Variants in SDK1 observed in about 807,000 individuals in gnomAD.
SDK1 encodes the protein sidekick cell adhesion molecule 1.
Under a neutral mutation model 245.5 loss-of-function variants are expected in SDK1, and 157 were observed. That is an observed-to-expected ratio of 0.64 (90% CI 0.56 to 0.73). SDK1 has a LOEUF of 0.73. Among genes scored for constraint, SDK1 ranks in the 30% least tolerant of loss-of-function variants. The pLI, the probability that SDK1 is intolerant of heterozygous loss-of-function variation, is 0.00. For missense variants in SDK1, 3,583 were observed against 3,002.3 expected (o/e 1.19, Z -4.52); for synonymous variants, 1,647 against 1,278.5 (o/e 1.29, Z -6.15).
chr7:3,653,509 C>T (rs1258993589), intron 4 of SDK1, among the ~76,000 whole-genome samples: 1 of 152,038 alleles, frequency 6.6e-6, no homozygotes, highest in African/African-American at 2.4e-5. Context: ...TAGATGGTAA[C>T]ATGGATGTAA....
chr7:3,866,078 T>C (rs1780814517), intron 5 of SDK1, among the ~76,000 whole-genome samples: 1 of 152,194 alleles, frequency 6.6e-6, no homozygotes, highest in Non-Finnish European at 1.5e-5. Flanking sequence ...ACATTATGAA[T>C]ATATTTTGTT....
intron 1 of SDK1, among the ~76,000 whole-genome samples, chr7:3,484,561 G>C (rs1243324536): frequency 6.6e-6 from 1 of 152,166 alleles, no homozygotes; most frequent in Non-Finnish European, 1.5e-5. Flanking sequence ...CTGTACAATA[G>C]TTAACTATGG....
intron 4 of SDK1, among the ~76,000 whole-genome samples, chr7:3,796,899 T>C (rs1264367030): frequency 6.6e-6 from 1 of 152,192 alleles, no homozygotes; most frequent in Non-Finnish European, 1.5e-5. Context: ...GAAAGTAAGT[T>C]CAAATGTAGC....
At chr7:3,686,158 C>G (rs1190688069) in intron 4 of SDK1, among the ~76,000 whole-genome samples, 1 of 152,234 alleles carries the variant, frequency 6.6e-6, no homozygotes, top group Admixed American at 6.5e-5. Context: ...CCACTGCAAC[C>G]TCTACCTCCT....
intron 1 of SDK1, among the ~76,000 whole-genome samples, chr7:3,545,056 A>G (rs1562553097): frequency 1.3e-5 from 2 of 152,140 alleles, no homozygotes; most frequent in Non-Finnish European, 2.9e-5. Context: ...TGCTCCTACC[A>G]GGACTGGGAG....
At chr7:3,563,266 T>C (rs1195299590) in intron 1 of SDK1, among the ~76,000 whole-genome samples, 1 of 152,152 alleles carries the variant, frequency 6.6e-6, no homozygotes, top group Non-Finnish European at 1.5e-5. Flanking sequence ...CTGGAAAAGT[T>C]CAAGTTTTAG....
intron 1 of SDK1, among the ~76,000 whole-genome samples, chr7:3,311,448 G>A (rs531442793): frequency 6.6e-6 from 1 of 152,252 alleles, no homozygotes; most frequent in South Asian, 2.1e-4. Flanking sequence ...GGAGAAAAGA[G>A]TCAACCGGTA....
rs564147832 is a variant in SDK1 at position 4,077,712 on chromosome 7, G to A, written c.3202+523G>A. Among the ~76,000 whole-genome samples, 315 of 152,228 alleles carry A rather than the reference G, an allele frequency of 2.1e-3. 3 individuals carry two copies. Among genetic ancestry groups the A allele is most frequent in the African/African-American group, 7.1e-3 (296 of 41,546 alleles). On this transcript the variant is annotated intron_variant, in intron 21 of 44. Transcript: ENST00000404826. ...AGAGAGCCCGTGCAAGGAAACTCCC[G>A]TTTTTAAAACCCATAGATCTTGTGA... is the stretch of plus-strand genomic sequence containing the variant.
chr7:3,907,680 A>G (rs1288227152), intron 5 of SDK1, among the ~76,000 whole-genome samples: 1 of 152,184 alleles, frequency 6.6e-6, no homozygotes, highest in Non-Finnish European at 1.5e-5. Context: ...TTTAAAACAG[A>G]CTCTTACCAA....
chr7:4,190,460 G>A (rs1257806255), intron 35 of SDK1, among the ~76,000 whole-genome samples: 4 of 152,234 alleles, frequency 2.6e-5, no homozygotes, highest in South Asian at 2.1e-4. Context: ...AGCTTTATCC[G>A]GAGTCCGCAG....
intron 35 of SDK1, among the ~76,000 whole-genome samples, chr7:4,180,787 A>G (rs886343033): frequency 3.3e-5 from 5 of 152,160 alleles, no homozygotes; most frequent in Non-Finnish European, 7.3e-5. Flanking sequence ...AGAGCGCAAG[A>G]GGGAGGTGCC....
intron 1 of SDK1, among the ~76,000 whole-genome samples, chr7:3,583,346 G>C (rs944162987): frequency 1.3e-5 from 2 of 152,124 alleles, no homozygotes; most frequent in Admixed American, 1.3e-4. Context: ...TCCTCTTCCG[G>C]TGCCAAATTG....
chr7:4,045,965 T>C (rs1452157971), intron 17 of SDK1, among the ~76,000 whole-genome samples: 1 of 152,154 alleles, frequency 6.6e-6, no homozygotes, highest in Non-Finnish European at 1.5e-5. Context: ...TTTTTTTGTT[T>C]TTTTCTTTTT....
intron 7 of SDK1, 171 bp downstream of exon 7, chr7:3,952,091 T>A: frequency 1.6e-6 from 1 of 623,924 alleles, no homozygotes; most frequent in Non-Finnish European, 2.7e-6. Context: ...CCCAAGAATA[T>A]AAGTCCATTA....
At chr7:3,804,848 G>A (rs1438044963) in intron 4 of SDK1, among the ~76,000 whole-genome samples, 1 of 152,164 alleles carries the variant, frequency 6.6e-6, no homozygotes, top group Non-Finnish European at 1.5e-5. Flanking sequence ...GCTTTCACGT[G>A]TTCATTGCTA....
At chr7:3,972,761 T>G (rs974829399) in intron 12 of SDK1, among the ~76,000 whole-genome samples, 1 of 152,174 alleles carries the variant, frequency 6.6e-6, no homozygotes, top group South Asian at 2.1e-4. Flanking sequence ...TCGCGCTTCT[T>G]GAGCGGGTGT....
intron 1 of SDK1, among the ~76,000 whole-genome samples, chr7:3,408,929 A>T (rs73298374): frequency 1.3e-5 from 2 of 152,206 alleles, no homozygotes; most frequent in Non-Finnish European, 2.9e-5. Context: ...GCTGATGTAC[A>T]GTTCTTATTG....
chr7:4,255,795 G>A (rs1787584285), intron 44 of SDK1, among the ~76,000 whole-genome samples: 3 of 152,114 alleles, frequency 2.0e-5, no homozygotes, highest in African/African-American at 7.2e-5. Flanking sequence ...AATTGGATAG[G>A]GAGAGCAGGT....
intron 17 of SDK1, among the ~76,000 whole-genome samples, chr7:4,020,048 C>T (rs1173564353): frequency 6.6e-6 from 1 of 152,058 alleles, no homozygotes; most frequent in Non-Finnish European, 1.5e-5. Context: ...TTCTTCCAGA[C>T]CCTGACTCCA....
Sources: allele counts gnomAD v4.1 joint callset (sites outside exome capture counted in the v4.1 genomes callset), GRCh38; gene constraint gnomAD v4.1.1; transcripts MANE v1.5; gene names NCBI Gene and HGNC (gene_info 2026-07-23, HGNC 2026-07-21).